STRAP: variants seen among roughly 807,000 people sequenced by gnomAD.
The protein encoded by STRAP is serine-threonine kinase receptor-associated protein.
Under a neutral mutation model 47.0 loss-of-function variants are expected in STRAP, and 16 were observed. That is an observed-to-expected ratio of 0.34 (90% CI 0.23 to 0.52). The LOEUF is 0.52. STRAP is among the 20% of genes least tolerant of loss of function. The pLI is 0.96. For missense variants in STRAP, 293 were observed against 420.0 expected, an observed-to-expected ratio of 0.70 and a Z score of 2.64; for synonymous variants, 130 against 142.7, an observed-to-expected ratio of 0.91 and a Z score of 0.63.
intron 2 of STRAP, among the ~76,000 whole-genome samples, chr12:15,886,705 C>A (rs1565573367): frequency 6.6e-6 from 1 of 152,104 alleles, no homozygotes; most frequent in Non-Finnish European, 1.5e-5. Flanking sequence ...CCACAGCCTA[C>A]CTGATTAGTC....
chr12:15,901,047 TG>T (rs1416131392), intron 9 of STRAP, 35 bp downstream of exon 9: 2 of 1,495,704 alleles, frequency 1.3e-6, no homozygotes, highest in Non-Finnish European at 9.0e-7. Flanking sequence ...GTAAGAGTCT[TG>T]GGGGATTTAA....
In STRAP at chr12:15,882,436, G is replaced by C; in HGVS notation, c.-272G>C. 2 of 506,000 alleles carry C rather than the reference G, an allele frequency of 4.0e-6. No homozygotes were observed. The highest frequency in any genetic ancestry group is 7.1e-6 in the Non-Finnish European group (2 of 281,356). 31.3% of individuals were successfully genotyped at this position (506,000 alleles called of 1,614,324 possible). A position where few individuals can be genotyped will look rare whatever the true frequency, so the allele number is the denominator to read the frequency against. On this transcript the variant is annotated 5_prime_UTR_variant, in exon 1 of 10. Coordinates refer to ENST00000419869, the MANE Select transcript of STRAP (RefSeq NM_007178.4). ...GTGTGGACGCTGTGAATCGTGGCTG[G>C]CCCGGTTCTCCGCTTCTCCCCATCC...
At chr12:15,892,413 T>C (rs1948024301) in intron 4 of STRAP, among the ~76,000 whole-genome samples, 1 of 152,150 alleles carries the variant, frequency 6.6e-6, no homozygotes. Context: ...ATTTTAATAA[T>C]TTCCCTCACC....
intron 8 of STRAP, among the ~76,000 whole-genome samples, chr12:15,900,640 T>G (rs1948095516): frequency 6.6e-6 from 1 of 152,190 alleles, no homozygotes; most frequent in African/African-American, 2.4e-5. Flanking sequence ...ATATAAAGAA[T>G]TTACAAGTAA....
chr12:15,890,783 G>T lies in STRAP; in HGVS notation c.403+114G>T. On this transcript the variant is annotated intron_variant, in intron 4 of 9. Transcript: ENST00000419869. This position sits in a 1 kb window ranked among gnomAD's most constrained non-coding sequence, Gnocchi z 4.5. ...TGGAAAATAAAGATAGTCATGGCCG[G>T]GCACGGTGGCTCATACCTGTAATCC... The T allele has an allele frequency of 1.2e-6, 1 of 856,620 alleles. No homozygotes were observed. The highest frequency in any genetic ancestry group is 1.8e-6 in the Non-Finnish European group (1 of 556,452). The allele number at this position is 856,620 out of a possible 1,614,324, so 53.1% of individuals were successfully genotyped here.
chr12:15,900,138 C>T (rs1948091750), intron 8 of STRAP, 85 bp downstream of exon 8: 1 of 1,349,156 alleles, frequency 7.4e-7, no homozygotes, highest in African/African-American at 1.5e-5. Context: ...TTCAGGGTTC[C>T]TGTTTTCTAT....
At chr12:15,883,951 GA>G (rs1374610814) in intron 2 of STRAP, among the ~76,000 whole-genome samples, 1 of 152,206 alleles carries the variant, frequency 6.6e-6, no homozygotes, top group Non-Finnish European at 1.5e-5. Context: ...ACCAGATAAT[GA>G]ATGTTGATCT....
intron 8 of STRAP, among the ~76,000 whole-genome samples, chr12:15,900,697 A>G (rs1948095780): frequency 1.3e-5 from 2 of 152,194 alleles, no homozygotes; most frequent in Non-Finnish European, 2.9e-5. Flanking sequence ...CACACCAATA[A>G]AGATAGACAT....
At chr12:15,901,071 A>C in intron 9 of STRAP, 59 bp downstream of exon 9, 1 of 1,350,886 alleles carries the variant, frequency 7.4e-7, no homozygotes, top group East Asian at 2.6e-5. Context: ...TTGAACTGTA[A>C]CAGAAGTTTT....
intron 4 of STRAP, among the ~76,000 whole-genome samples, chr12:15,891,889 T>A (rs1948018389): frequency 6.6e-6 from 1 of 151,490 alleles, no homozygotes; most frequent in Non-Finnish European, 1.5e-5. Context: ...GAGGTTGCAG[T>A]GAGCCGAGAT....
chr12:15,887,822 T>C lies in STRAP; in HGVS notation c.249-2106T>C, dbSNP rs11056693. Among the ~76,000 whole-genome samples the C allele has an allele frequency of 0.089, 13,447 of 151,694 alleles. 1,971 individuals are homozygous for C. Among genetic ancestry groups the C allele is most frequent in the African/African-American group, 0.3 (12,470 of 41,316 alleles). On this transcript the variant is annotated intron_variant, in intron 2 of 9. Transcript: ENST00000419869. The surrounding 1 kb of genome is among the most constrained non-coding windows in gnomAD (Gnocchi z 5.5). ...GTATAGCTTGGGCAATATACCAAGA[T>C]CCTGTCTCAAAAAAAAAAAGAGAGA... is the stretch of plus-strand genomic sequence containing the variant.
At position 15,896,018 on chromosome 12, in the gene STRAP, A is replaced by G. The variant is rs190263438; in HGVS notation, c.638+522A>G. ...TGGGCGGACCACTTGAGGTTAGGGG[A>G]TTGAGACCAGCCTGGCCAACATGGT... On this transcript the variant is annotated intron_variant, in intron 6 of 9. Coordinates refer to ENST00000419869, the MANE Select transcript of STRAP (RefSeq NM_007178.4). This position sits in a 1 kb window ranked among gnomAD's most constrained non-coding sequence, Gnocchi z 4.1. Among the ~76,000 whole-genome samples, 1,046 of 151,670 alleles carry G rather than the reference A, an allele frequency of 6.9e-3. 15 individuals carry two copies. The highest frequency in any genetic ancestry group is 0.024 in the African/African-American group (996 of 41,342).
In STRAP at chr12:15,891,026, C is replaced by T. The variant is rs112020910; in HGVS notation, c.403+357C>T. 6.1e-4 allele frequency among the ~76,000 whole-genome samples: 93 copies of T among 151,524 alleles called. 1 individual carries two copies. Among genetic ancestry groups the T allele is most frequent in the African/African-American group, 2.0e-3 (84 of 41,268 alleles). The stretch of plus-strand genomic sequence containing the variant: ...AGTGAGCCGAGATTGCGCCACTGCA[C>T]TCCAGCCTGGGCAATAAGAGTGAAA... On this transcript the variant is annotated intron_variant, in intron 4 of 9. Coordinates refer to ENST00000419869, the MANE Select transcript of STRAP (RefSeq NM_007178.4).
chr12:15,888,883 TAATA>T, intron 2 of STRAP, among the ~76,000 whole-genome samples: 1 of 152,126 alleles, frequency 6.6e-6, no homozygotes, highest in Admixed American at 6.5e-5. Flanking sequence ...GATATATATT[TAATA>T]TATTTTATTA....
rs1271571515 is a variant in STRAP at position 15,890,916 on chromosome 12, C to T, written c.403+247C>T. Reference sequence around the variant, plus strand: ...CTCTATTAAAAATAGAAAAATTAGCCAGGCATGGTGGCAGGCGCTTGTAAT... The same window carrying T: ...CTCTATTAAAAATAGAAAAATTAGCTAGGCATGGTGGCAGGCGCTTGTAAT... On this transcript the variant is annotated intron_variant, in intron 4 of 9. Transcript: ENST00000419869. The surrounding 1 kb of genome is among the most constrained non-coding windows in gnomAD (Gnocchi z 4.5). Among the ~76,000 whole-genome samples, 2 of 151,970 alleles carry T rather than the reference C, an allele frequency of 1.3e-5. No individual in the cohort carries two copies. Among genetic ancestry groups the T allele is most frequent in the East Asian group, 3.9e-4 (2 of 5,168 alleles).
At chr12:15,885,189 T>TTTGTTTTG (rs1016421917) in intron 2 of STRAP, among the ~76,000 whole-genome samples, 1 of 148,342 alleles carries the variant, frequency 6.7e-6, no homozygotes, top group African/African-American at 2.5e-5. Flanking sequence ...TGTTTTTTTT[T>TTTGTTTTG]TTTTTTTTTT....
At chr12:15,885,603 TTGAC>T (rs935172649) in intron 2 of STRAP, among the ~76,000 whole-genome samples, 2 of 151,872 alleles carry the variant, frequency 1.3e-5, no homozygotes, top group Admixed American at 6.6e-5. Context: ...TGAAGGCTGA[TTGAC>T]TGTGGTGGCA....
intron 5 of STRAP, 32 bp from the exon 6 acceptor site, chr12:15,895,327 G>A (rs1042843688): frequency 2.0e-5 from 30 of 1,473,736 alleles, no homozygotes; most frequent in Non-Finnish European, 2.0e-5. Flanking sequence ...TCTTACATGA[G>A]TAAACATCAT....
Position 15,895,624 on chromosome 12 carries a change from C to A in STRAP, c.638+128C>A, listed in dbSNP as rs530241161. On this transcript the variant is annotated intron_variant, in intron 6 of 9. Coordinates refer to ENST00000419869, the MANE Select transcript of STRAP (RefSeq NM_007178.4). ...AGGAGTGGTGGCTTATGCCTATAATCGCAGTACCTTGGGAAGCTGAGGTGG... is the reference window on the plus strand; with the variant it reads ...AGGAGTGGTGGCTTATGCCTATAATAGCAGTACCTTGGGAAGCTGAGGTGG... The A allele has an allele frequency of 4.3e-4, 419 of 974,928 alleles. 8 individuals are homozygous for A. In the South Asian group the frequency reaches 6.3e-3, roughly 15 times the overall value. The allele number at this position is 974,928 out of a possible 1,614,324, so 60.4% of individuals were successfully genotyped here. A position where few individuals can be genotyped will look rare whatever the true frequency, so the allele number is the denominator to read the frequency against.
Sources: gnomAD v4.1 joint callset for allele counts (sites outside exome capture counted in the v4.1 genomes callset) on GRCh38, gnomAD v4.1.1 for gene constraint, Gnocchi (gnomAD v3.1) non-coding constraint, MANE v1.5 for transcripts, NCBI Gene and HGNC (gene_info 2026-07-23, HGNC 2026-07-21) for gene names.